PPP4R4: variants seen among roughly 807,000 people sequenced by gnomAD.
PPP4R4 encodes the protein protein phosphatase 4 regulatory subunit 4.
Under a neutral mutation model 121.8 loss-of-function variants are expected in PPP4R4, and 70 were observed. The observed-to-expected ratio is 0.57, with a 90% CI of 0.47 to 0.70. The LOEUF (loss-of-function observed/expected upper bound fraction) is 0.70. Ranked by LOEUF, PPP4R4 falls within the 30% of genes least tolerant of loss-of-function variation. The probability of loss-of-function intolerance (pLI) is 0.00; values close to 1 mark genes in which losing one functional copy is unlikely to be tolerated. For missense variants in PPP4R4, 875 were observed against 1,033.6 expected (o/e 0.85, Z 2.10); for synonymous variants, 348 against 355.7 (o/e 0.98, Z 0.24).
intron 3 of PPP4R4, among the ~76,000 whole-genome samples, chr14:94,217,429 C>T (rs751123713): frequency 2.6e-5 from 4 of 152,214 alleles, no homozygotes; most frequent in Non-Finnish European, 5.9e-5. Context: ...ATGTTCATTT[C>T]TGAGCATAAA....
chr14:94,264,924 G>A lies in PPP4R4; in HGVS notation c.2174G>A (p.Ser725Asn), dbSNP rs1893961174. ...CAACAGAATGATGGAAGGCCCATGA[G>A]TGATAAAATGTTTGAAAAGAAACGT... is the stretch of plus-strand genomic sequence containing the variant. Reference protein sequence around the residue: ...EKQQNDGRPMSDKMFEKKRRD... With the variant: ...EKQQNDGRPMNDKMFEKKRRD... Residue 725 changes from serine (S) to asparagine (N), a missense_variant, in exon 20 of 25, where the codon AGT becomes AAT. By Grantham distance (46) the Ser-to-Asn change is conservative (BLOSUM62 1). Coordinates refer to ENST00000304338, the MANE Select transcript of PPP4R4 (RefSeq NM_058237.2). 1 of 1,600,590 alleles carries A rather than the reference G, an allele frequency of 6.2e-7. No individual in the cohort carries two copies. Among genetic ancestry groups the A allele is most frequent in the Admixed American group, 1.8e-5 (1 of 55,926 alleles).
chr14:94,199,320 C>G (rs984702161), intron 2 of PPP4R4, among the ~76,000 whole-genome samples: 1 of 152,204 alleles, frequency 6.6e-6, no homozygotes, highest in African/African-American at 2.4e-5. Flanking sequence ...TCTTTGGTGC[C>G]CCACTGCTCA....
At chr14:94,174,978 C>G (rs573410226) in intron 1 of PPP4R4, among the ~76,000 whole-genome samples, 1 of 146,412 alleles carries the variant, frequency 6.8e-6, no homozygotes, top group South Asian at 2.2e-4. Context: ...CTTCCGCCCC[C>G]CCCCCCCAAA....
At chr14:94,186,748 A>G (rs545966269) in intron 2 of PPP4R4, among the ~76,000 whole-genome samples, 20 of 152,334 alleles carry the variant, frequency 1.3e-4, no homozygotes, top group African/African-American at 4.1e-4. Context: ...CTTATACTCT[A>G]TAACACTTGA....
At chr14:94,187,774 T>G (rs1889368615) in intron 2 of PPP4R4, among the ~76,000 whole-genome samples, 1 of 152,226 alleles carries the variant, frequency 6.6e-6, no homozygotes, top group African/African-American at 2.4e-5. Flanking sequence ...AGAATACTGG[T>G]CAGGTATTTC....
In PPP4R4 at chr14:94,274,154, A is replaced by G. The variant is rs28767555; in HGVS notation, c.2450-1220A>G. On this transcript the variant is annotated intron_variant, in intron 23 of 24. Transcript: ENST00000304338. ...GTCTTATCACTATACACAAAATTAT[A>G]CTATACTCAAAATGTATTATAAACC... Among the ~76,000 whole-genome samples, 590 of 152,190 alleles carry G rather than the reference A, an allele frequency of 3.9e-3. 3 individuals carry two copies. Among genetic ancestry groups the G allele is most frequent in the African/African-American group, 0.014 (561 of 41,538 alleles).
chr14:94,260,796 T>G (rs1893746068), intron 19 of PPP4R4, among the ~76,000 whole-genome samples: 2 of 152,158 alleles, frequency 1.3e-5, no homozygotes. Context: ...TGGTGTCTTT[T>G]GAACAACAGA....
intron 17 of PPP4R4, 67 bp downstream of exon 17, chr14:94,256,671 A>G: frequency 7.2e-7 from 1 of 1,396,938 alleles, no homozygotes; most frequent in Non-Finnish European, 9.7e-7. Flanking sequence ...TAGCTTCACT[A>G]TTTCAGCTTG....
chr14:94,250,692 G>C (rs1893135660), intron 15 of PPP4R4, among the ~76,000 whole-genome samples: 1 of 151,832 alleles, frequency 6.6e-6, no homozygotes, highest in South Asian at 2.1e-4. Context: ...TTAATTTGAT[G>C]AGCCTAGTTG....
intron 3 of PPP4R4, chr14:94,227,509 C>A: frequency 7.4e-7 from 1 of 1,342,746 alleles, no homozygotes; most frequent in South Asian, 2.1e-5. Context: ...ATGTTGAAGT[C>A]AGCACAACAA....
intron 19 of PPP4R4, among the ~76,000 whole-genome samples, chr14:94,264,069 TATACAA>T (rs1199733453): frequency 1.3e-5 from 2 of 152,216 alleles, no homozygotes; most frequent in African/African-American, 4.8e-5. Context: ...TGGAGCTGGT[TATACAA>T]GTGCGTCTAT....
At chr14:94,237,535 AT>A in intron 7 of PPP4R4, 29 bp from the exon 8 acceptor site, 1 of 1,590,170 alleles carries the variant, frequency 6.3e-7, no homozygotes, top group African/African-American at 1.3e-5. Flanking sequence ...TATTGATTTG[AT>A]TTATTTTCTT....
rs1894075269 is a variant in PPP4R4 at position 94,266,810 on chromosome 14, A to C, written c.2379-149A>C. The C allele has an allele frequency of 5.1e-6, 3 of 593,118 alleles. No homozygotes were observed. In the East Asian group the frequency reaches 9.3e-5, roughly 18 times the overall value. 36.7% of individuals were successfully genotyped at this position (593,118 alleles called of 1,614,324 possible). A position where few individuals can be genotyped will look rare whatever the true frequency, so the allele number is the denominator to read the frequency against. ...GACGAAGTAAGTGTTGTGAGGCATGAATATAAAAAAAATGAGAAATAAAAG... is the reference window on the plus strand; with the variant it reads ...GACGAAGTAAGTGTTGTGAGGCATGCATATAAAAAAAATGAGAAATAAAAG... On this transcript the variant is annotated intron_variant, in intron 22 of 24. Transcript: ENST00000304338.
At chr14:94,254,487 C>CA (rs1893360364) in intron 16 of PPP4R4, among the ~76,000 whole-genome samples, 1 of 152,086 alleles carries the variant, frequency 6.6e-6, no homozygotes, top group South Asian at 2.1e-4. Flanking sequence ...AGATTGAGAC[C>CA]ATTGTTGCTA....
intron 2 of PPP4R4, among the ~76,000 whole-genome samples, chr14:94,207,714 A>C (rs11845099): frequency 0.058 from 8,855 of 151,458 alleles, 717 homozygotes; most frequent in African/African-American, 0.18. Flanking sequence ...ATCTATCTAT[A>C]TATATATATG....
chr14:94,179,716 G>A (rs549590065), intron 2 of PPP4R4, among the ~76,000 whole-genome samples: 6 of 152,224 alleles, frequency 3.9e-5, no homozygotes, highest in South Asian at 2.1e-4. Flanking sequence ...TTTGAGCTCC[G>A]TTATCACTTA....
chr14:94,278,673 A>C lies in PPP4R4; in HGVS notation c.*30A>C. ...ACTGCTTGATGAAGGAGGCAAAACA[A>C]AGGCAGCAGGAGATAATGTGATTGG... is the stretch of plus-strand genomic sequence containing the variant. On this transcript the variant is annotated 3_prime_UTR_variant, in exon 25 of 25. Transcript: ENST00000304338. 5.2e-6 allele frequency: 8 copies of C among 1,552,002 alleles called. No individual in the cohort carries two copies. The highest frequency in any genetic ancestry group is 7.0e-6 in the Non-Finnish European group (8 of 1,144,504).
chr14:94,237,936 C>G (rs1017100628), intron 8 of PPP4R4, among the ~76,000 whole-genome samples: 2 of 152,148 alleles, frequency 1.3e-5, no homozygotes, highest in African/African-American at 4.8e-5. Flanking sequence ...TTTATTTTGG[C>G]CCACATTTCT....
chr14:94,248,666 A>T (rs1258395902), intron 14 of PPP4R4, among the ~76,000 whole-genome samples: 3 of 152,150 alleles, frequency 2.0e-5, no homozygotes, highest in Non-Finnish European at 4.4e-5. Context: ...TCCATTGATG[A>T]TCCTTGCTTG....
Sources: gnomAD v4.1 joint callset for allele counts (sites outside exome capture counted in the v4.1 genomes callset) on GRCh38, gnomAD v4.1.1 for gene constraint, MANE v1.5 for transcripts, NCBI Gene and HGNC (gene_info 2026-07-23, HGNC 2026-07-21) for gene names.